KIAA1586: variants seen among roughly 807,000 people sequenced by gnomAD.
The protein encoded by KIAA1586 is KIAA1586, also known as E3 SUMO-protein ligase KIAA1586.
KIAA1586 carries 5 observed loss-of-function variants against 6.1 expected under a neutral mutation model. The observed-to-expected ratio is 0.82, with a 90% CI of 0.43 to 1.73. KIAA1586 has a LOEUF of 1.73. Ranked by LOEUF, KIAA1586 falls within the 40% of genes most tolerant of loss-of-function variation. The pLI is 0.02. For synonymous variants in KIAA1586, 280 were observed against 301.7 expected, an observed-to-expected ratio of 0.93 and a Z score of 0.75; for missense variants, 899 against 878.2, an observed-to-expected ratio of 1.02 and a Z score of -0.30.
chr6:57,050,866 A>G lies in KIAA1586; in HGVS notation c.186+12A>G, dbSNP rs1333270752. ...CCTATTATAGTGATGTAAGCACATT[A>G]TATTTGTGTTTGTTCAGTTTTCTTA... On this transcript the variant is annotated intron_variant, in intron 3 of 3. Transcript: ENST00000370733. 6.3e-7 allele frequency: 1 copy of G among 1,580,422 alleles called. No individual in the cohort carries two copies. The highest frequency in any genetic ancestry group is 1.3e-5 in the African/African-American group (1 of 74,086).
chr6:57,046,714 G>A lies in KIAA1586; in HGVS notation c.-42G>A, dbSNP rs550448359. The A allele has an allele frequency of 1.2e-6, 2 of 1,611,246 alleles. No homozygotes were observed. Among genetic ancestry groups the A allele is most frequent in the East Asian group, 2.2e-5 (1 of 44,768 alleles). On this transcript the variant is annotated 5_prime_UTR_variant, in exon 1 of 4. Transcript: ENST00000370733. ...GAGTGGTGGCGGCTGCGGCAGTAGG[G>A]ACAGCAGGAGCAGTGGTGCTGTCAG...
Position 57,053,044 on chromosome 6 carries a change from A to C in KIAA1586, c.545A>C (p.Lys182Thr). 2 of 1,613,796 alleles carry C rather than the reference A, an allele frequency of 1.2e-6. No homozygotes were observed. The highest frequency in any genetic ancestry group is 2.7e-5 in the African/African-American group (2 of 75,032). ...GCAGAAAAGCATGTCCATGTGTCCA[A>C]GGAATGGATTGCATATTTAGTAACC... ...SKAEKHVHVS[K>T]EWIAYLVTPN... Residue 182 changes from lysine to threonine, a missense_variant, in exon 4 of 4, where the codon AAG (lysine) becomes ACG (threonine). Transcript: ENST00000370733.
intron 3 of KIAA1586, among the ~76,000 whole-genome samples, chr6:57,052,469 T>C (rs1413558744): frequency 6.6e-6 from 1 of 152,172 alleles, no homozygotes; most frequent in African/African-American, 2.4e-5. Context: ...ATAGTCAAAT[T>C]TTGTGAAACT....
chr6:57,054,903 T>C lies in KIAA1586; in HGVS notation c.*40T>C, dbSNP rs570018138. On this transcript the variant is annotated 3_prime_UTR_variant, in exon 4 of 4. Coordinates refer to ENST00000370733, the MANE Select transcript of KIAA1586 (RefSeq NM_020931.4). Reference sequence around the variant, plus strand: ...TTTTTGTCATCTGTAAATTATGTACTACACATCCTTTATATACATAAAGGT... The same window carrying C: ...TTTTTGTCATCTGTAAATTATGTACCACACATCCTTTATATACATAAAGGT... 6.1e-6 allele frequency: 9 copies of C among 1,476,692 alleles called. No individual in the cohort carries two copies. The highest frequency in any genetic ancestry group is 3.6e-4 in the Middle Eastern group (2 of 5,542). 91.5% of individuals were successfully genotyped at this position (1,476,692 alleles called of 1,614,324 possible).
chr6:57,048,404 G>A (rs984520433), intron 2 of KIAA1586, among the ~76,000 whole-genome samples: 3 of 151,972 alleles, frequency 2.0e-5, no homozygotes, highest in Non-Finnish European at 2.9e-5. Context: ...TGTTAACATC[G>A]TTGTTTGTTT....
downstream of KIAA1586, among the ~76,000 whole-genome samples, chr6:57,058,079 G>A (rs62415863): frequency 0.07 from 10,708 of 152,016 alleles, 513 homozygotes; most frequent in East Asian, 0.095. Context: ...ACAGGTGTGA[G>A]CCACCGCGCC....
At chr6:57,052,656 T>A (rs991372120) in intron 3 of KIAA1586, 30 bp from the exon 4 acceptor site, 9 of 1,495,878 alleles carry the variant, frequency 6.0e-6, no homozygotes, top group African/African-American at 1.4e-5. Context: ...TGTTATGAAT[T>A]TTACTTACAT....
chr6:57,048,767 T>G (rs1242284320), intron 2 of KIAA1586, among the ~76,000 whole-genome samples: 2 of 152,210 alleles, frequency 1.3e-5, no homozygotes, highest in East Asian at 3.8e-4. Context: ...GACACACGTC[T>G]GATTGATGAT....
the KIAA1586 span, among the ~76,000 whole-genome samples, chr6:57,063,919 T>A: frequency 6.6e-6 from 1 of 152,208 alleles, no homozygotes; most frequent in African/African-American, 2.4e-5. Context: ...ATATTATATG[T>A]ACCTGAAACA....
At chr6:57,050,675 T>C in intron 2 of KIAA1586, 99 bp from the exon 3 acceptor site, 1 of 811,972 alleles carries the variant, frequency 1.2e-6, no homozygotes, top group Non-Finnish European at 2.0e-6. Context: ...TCGAGAATCT[T>C]TCCCAATTCC....
rs1031599667 is a variant in KIAA1586 at position 57,053,394 on chromosome 6, A to G, written c.895A>G (p.Met299Val). ...TRIAEHIAKE[M>V]KMKIFKNIIE... is the part of the protein sequence containing the mutation. ...AATAGCAGAACATATTGCAAAAGAA[A>G]TGAAGATGAAGATATTTAAGAATAT... The change falls in exon 4 of 4, where the codon ATG (methionine) becomes GTG (valine). Residue 299 changes from methionine (M) to valine (V), a missense_variant. Transcript: ENST00000370733. 1 of 1,609,212 alleles carries G rather than the reference A, an allele frequency of 6.2e-7. No individual in the cohort carries two copies. Among genetic ancestry groups the G allele is most frequent in the East Asian group, 2.2e-5 (1 of 44,798 alleles).
At chr6:57,056,238 C>G (rs1412318217), downstream of KIAA1586, among the ~76,000 whole-genome samples, 2 of 148,834 alleles carry the variant, frequency 1.3e-5, no homozygotes, top group African/African-American at 5.0e-5. Context: ...GAGACAGAGT[C>G]TTGTGTCACC....
intron 2 of KIAA1586, among the ~76,000 whole-genome samples, chr6:57,049,564 T>G (rs1828269000): frequency 6.6e-6 from 1 of 152,158 alleles, no homozygotes; most frequent in Admixed American, 6.5e-5. Context: ...GATAAAAGAT[T>G]TGGGGATACA....
the KIAA1586 span, among the ~76,000 whole-genome samples, chr6:57,065,011 G>C: frequency 0.089 from 13,559 of 152,190 alleles, 679 homozygotes; most frequent in East Asian, 0.095. Context: ...AGCTTCCACA[G>C]CTCTGTGCTC....
intron 2 of KIAA1586, among the ~76,000 whole-genome samples, chr6:57,049,326 A>G (rs1282557680): frequency 6.6e-6 from 1 of 152,104 alleles, no homozygotes; most frequent in East Asian, 1.9e-4. Context: ...TTATAGTACC[A>G]TCCAGTAAAG....
At chr6:57,061,843 TAAC>T in the KIAA1586 span, among the ~76,000 whole-genome samples, 3 of 152,020 alleles carry the variant, frequency 2.0e-5, no homozygotes, top group South Asian at 2.1e-4. Context: ...ATTTAAAAGT[TAAC>T]AATATCACAA....
In KIAA1586 at chr6:57,054,826, T is replaced by A. The variant is rs1348236798; in HGVS notation, c.2327T>A (p.Phe776Tyr). 2.1e-5 allele frequency: 33 copies of A among 1,550,598 alleles called. No homozygotes were observed. Among genetic ancestry groups the A allele is most frequent in the Non-Finnish European group, 2.7e-5 (31 of 1,146,440 alleles). The change falls in exon 4 of 4, where the codon TTC becomes TAC. Residue 776 changes from phenylalanine to tyrosine, a missense_variant. By Grantham distance (22) the Phe-to-Tyr change is conservative. Transcript: ENST00000370733. ...TRVRQKSTKVFHENQLAIWNL... is the reference protein window; with the variant it reads ...TRVRQKSTKVYHENQLAIWNL... ...GTTCGGCAAAAGTCAACAAAAGTCT[T>A]CCATGAGAATCAATTGGCTATATGG...
At position 57,054,097 on chromosome 6, in the gene KIAA1586, T is replaced by G; in HGVS notation, c.1598T>G (p.Leu533Arg). ...LQDLALMIDI[L>R]EEFSVLSTAL... ...GACCTTGCTTTAATGATTGACATTC[T>G]TGAAGAATTTTCAGTACTTTCAACT... The change falls in exon 4 of 4, where the codon CTT becomes CGT. Residue 533 changes from leucine (L) to arginine (R), a missense_variant. By Grantham distance (102) the Leu-to-Arg change is moderately radical. Transcript: ENST00000370733. 6.2e-7 allele frequency: 1 copy of G among 1,609,072 alleles called. No individual in the cohort carries two copies. Among genetic ancestry groups the G allele is most frequent in the Non-Finnish European group, 8.5e-7 (1 of 1,178,142 alleles).
chr6:57,055,464 C>G (rs34119727), downstream of KIAA1586, among the ~76,000 whole-genome samples: 2 of 151,794 alleles, frequency 1.3e-5, no homozygotes, highest in African/African-American at 4.8e-5. Context: ...GCCTGTCAAA[C>G]TTGTGTGTCA....
Sources: allele counts gnomAD v4.1 joint callset (sites outside exome capture counted in the v4.1 genomes callset), GRCh38; gene constraint gnomAD v4.1.1; transcripts MANE v1.5; gene names NCBI Gene and HGNC (gene_info 2026-07-23, HGNC 2026-07-21).